The following CASP9 variants were observed in gnomAD, a reference collection of about 807,000 sequenced individuals.
CASP9 encodes caspase 9.
A neutral mutation model predicts 43.5 loss-of-function variants in CASP9; 29 were observed. That is an observed-to-expected ratio of 0.67 (90% CI 0.50 to 0.91). The LOEUF is 0.91. CASP9 is among the 40% of genes least tolerant of loss of function. CASP9 has a pLI of 0.00. For missense variants in CASP9, 575 were observed against 537.4 expected, an observed-to-expected ratio of 1.07 and a Z score of -0.69; for synonymous variants, 206 against 211.9, an observed-to-expected ratio of 0.97 and a Z score of 0.24.
chr1:15,524,305 G>T (rs1399886947), upstream of CASP9: 14 of 1,413,852 alleles, frequency 9.9e-6, no homozygotes, highest in Non-Finnish European at 1.2e-5. Flanking sequence ...CTGCCCCCGC[G>T]TCACGGCCCC....
chr1:15,515,832 G>T (rs1187232946), intron 2 of CASP9, among the ~76,000 whole-genome samples: 1 of 152,170 alleles, frequency 6.6e-6, no homozygotes, highest in Non-Finnish European at 1.5e-5. Context: ...GAGGTGGGCA[G>T]ACTACTGGAG....
At chr1:15,499,254 T>C (rs1709232162) in intron 6 of CASP9, among the ~76,000 whole-genome samples, 1 of 152,248 alleles carries the variant, frequency 6.6e-6, no homozygotes, top group African/African-American at 2.4e-5. Flanking sequence ...TCTTTACATC[T>C]GCAAAGTGAT....
intron 1 of CASP9, among the ~76,000 whole-genome samples, chr1:15,520,867 T>C (rs1319061678): frequency 2.1e-5 from 3 of 145,748 alleles, no homozygotes; most frequent in African/African-American, 7.7e-5. Context: ...GCAGAACAGC[T>C]TGAACCCTGG....
chr1:15,503,152 C>A (rs978442002), intron 6 of CASP9, among the ~76,000 whole-genome samples: 1 of 151,992 alleles, frequency 6.6e-6, no homozygotes, highest in Non-Finnish European at 1.5e-5. Context: ...TTTGGGAGGC[C>A]GAAGTGAGCA....
chr1:15,498,483 A>T (rs1234742282), intron 6 of CASP9, among the ~76,000 whole-genome samples: 1 of 150,000 alleles, frequency 6.7e-6, no homozygotes, highest in African/African-American at 2.5e-5. Flanking sequence ...TAAGATAGTA[A>T]ATTTTATGTT....
At chr1:15,508,775 G>T (rs2103354781) in intron 2 of CASP9, among the ~76,000 whole-genome samples, 1 of 152,296 alleles carries the variant, frequency 6.6e-6, no homozygotes, top group Middle Eastern at 3.4e-3. Flanking sequence ...ACATAGATAA[G>T]CAAGCTGGAA....
intron 2 of CASP9, among the ~76,000 whole-genome samples, chr1:15,511,944 C>T (rs1247544894): frequency 6.6e-6 from 1 of 152,108 alleles, no homozygotes; most frequent in Non-Finnish European, 1.5e-5. Flanking sequence ...AGCTGACCAA[C>T]AAGACCCAAG....
chr1:15,511,459 A>G (rs960892442), intron 2 of CASP9, among the ~76,000 whole-genome samples: 10 of 151,512 alleles, frequency 6.6e-5, no homozygotes, highest in Non-Finnish European at 1.3e-4. Flanking sequence ...GCTGGAGTAC[A>G]ATGGCACAAT....
At chr1:15,522,801 C>T (rs1710259321) in intron 1 of CASP9, among the ~76,000 whole-genome samples, 1 of 152,232 alleles carries the variant, frequency 6.6e-6, no homozygotes, top group African/African-American at 2.4e-5. Context: ...AGGCTATCCA[C>T]TATGACGCCC....
chr1:15,507,325 G>A (rs1002192804), intron 3 of CASP9, among the ~76,000 whole-genome samples: 2 of 152,142 alleles, frequency 1.3e-5, no homozygotes, highest in Non-Finnish European at 2.9e-5. Context: ...TCATCCCAAA[G>A]GACCTCACGG....
intron 6 of CASP9, among the ~76,000 whole-genome samples, chr1:15,503,850 T>G (rs930194658): frequency 6.6e-6 from 1 of 152,172 alleles, no homozygotes; most frequent in Non-Finnish European, 1.5e-5. Flanking sequence ...GGGACAGAAT[T>G]TCTAGCGCTC....
At chr1:15,493,703 C>T (rs1708980471) in intron 8 of CASP9, 189 bp downstream of exon 8, 8 of 1,474,586 alleles carry the variant, frequency 5.4e-6, no homozygotes, top group South Asian at 5.3e-5. Context: ...AAAGGGCAAA[C>T]GTCACCACAG....
chr1:15,513,249 G>A (rs1393914614), intron 2 of CASP9, among the ~76,000 whole-genome samples: 2 of 151,334 alleles, frequency 1.3e-5, no homozygotes, highest in African/African-American at 4.9e-5. Context: ...TGTTTACTAA[G>A]TACCTGCTGA....
At chr1:15,498,916 A>T (rs4646085) in intron 6 of CASP9, among the ~76,000 whole-genome samples, 41,648 of 151,508 alleles carry the variant, frequency 0.27, 6,592 homozygotes, top group African/African-American at 0.43. Flanking sequence ...CTGGCTAATT[A>T]TTTGTAGAGA....
rs1482584180 is a variant in CASP9, at chr1:15,507,028, G to A, written c.501C>T (p.Asn167=). 6.2e-7 allele frequency: 1 copy of A among 1,614,166 alleles called. No individual in the cohort carries two copies. The highest frequency in any genetic ancestry group is 8.5e-7 in the Non-Finnish European group (1 of 1,180,002). The change falls in exon 4 of 9, where the codon AAC becomes AAT. Residue 167 remains asparagine, a synonymous_variant. Transcript: ENST00000333868. ...MEPCGHCLII[N]NVNFCRESGL... is the part of the protein sequence containing the mutation. ...CGGACTCACGGCAGAAGTTCACATTGTTGATAATGAGGCAGTGGCCACAGG... is the reference window on the plus strand; with the variant it reads ...CGGACTCACGGCAGAAGTTCACATTATTGATAATGAGGCAGTGGCCACAGG...
chr1:15,518,650 C>G (rs1390786053), intron 1 of CASP9, among the ~76,000 whole-genome samples: 1 of 152,200 alleles, frequency 6.6e-6, no homozygotes, highest in African/African-American at 2.4e-5. Flanking sequence ...GAGCAAATTT[C>G]TAATGGGGAA....
chr1:15,518,046 C>T lies in CASP9; in HGVS notation c.418+64G>A, dbSNP rs200983830. ...CTGAATCTCAGCCCACCCAGCTGTA[C>T]TCATAGTGAGTCCCAAATGACTACG... On this transcript the variant is annotated intron_variant, in intron 2 of 8. Transcript: ENST00000333868. 38 of 1,540,006 alleles carry T rather than the reference C, an allele frequency of 2.5e-5. No individual in the cohort carries two copies. In the Admixed American group the frequency reaches 4.7e-4, roughly 19 times the overall value.
intron 1 of CASP9, among the ~76,000 whole-genome samples, chr1:15,521,119 T>C (rs1184414338): frequency 7.1e-6 from 1 of 140,178 alleles, no homozygotes; most frequent in Non-Finnish European, 1.5e-5. Flanking sequence ...ATTGCGGCAC[T>C]GCACTCCAGC....
At chr1:15,505,044 A>C (rs115466341) in intron 5 of CASP9, among the ~76,000 whole-genome samples, 1 of 152,200 alleles carries the variant, frequency 6.6e-6, no homozygotes, top group East Asian at 1.9e-4. Flanking sequence ...TGGCCCCTGC[A>C]GCAGCGGCAT....
Sources: gnomAD v4.1 joint callset for allele counts (sites outside exome capture counted in the v4.1 genomes callset) on GRCh38, gnomAD v4.1.1 for gene constraint, MANE v1.5 for transcripts, NCBI Gene and HGNC (gene_info 2026-07-23, HGNC 2026-07-21) for gene names.